The following DCC variants were observed in gnomAD, a reference collection of about 807,000 sequenced individuals.
DCC encodes the protein DCC netrin 1 receptor.
In DCC, 58 loss-of-function variants were observed where a neutral mutation model predicts 172.5. The observed-to-expected ratio is 0.34, with a 90% CI of 0.27 to 0.42. The LOEUF is 0.42. DCC is among the 10% of genes least tolerant of loss of function. The pLI is 1.00. For missense variants in DCC, 1,740 were observed against 1,791.0 expected (o/e 0.97, Z 0.51); for synonymous variants, 709 against 644.5 (o/e 1.10, Z -1.52).
chr18:53,071,463 T>C (rs975769294), intron 7 of DCC, among the ~76,000 whole-genome samples: 6 of 152,208 alleles, frequency 3.9e-5, no homozygotes, highest in Non-Finnish European at 8.8e-5. Flanking sequence ...TAATGGTACA[T>C]AAGTAACATA....
intron 27 of DCC, among the ~76,000 whole-genome samples, chr18:53,514,818 AC>A (rs2046313581): frequency 6.6e-6 from 1 of 152,054 alleles, no homozygotes; most frequent in Non-Finnish European, 1.5e-5. Context: ...TAGCTTACCA[AC>A]CAAAAAGAGT....
intron 2 of DCC, among the ~76,000 whole-genome samples, chr18:52,828,174 A>G (rs1459888582): frequency 2.6e-5 from 4 of 152,140 alleles, no homozygotes; most frequent in African/African-American, 2.4e-5. Context: ...ATACTACGGG[A>G]TGCAACTCCA....
At chr18:52,950,459 A>G (rs1440248826) in intron 5 of DCC, among the ~76,000 whole-genome samples, 2 of 152,234 alleles carry the variant, frequency 1.3e-5, no homozygotes, top group Non-Finnish European at 2.9e-5. Flanking sequence ...TGATAGCAGA[A>G]GGCTCTAAAC....
chr18:53,124,402 G>T (rs1049095051), intron 7 of DCC, among the ~76,000 whole-genome samples: 2 of 151,976 alleles, frequency 1.3e-5, no homozygotes, highest in African/African-American at 4.8e-5. Flanking sequence ...CAAGTTCATA[G>T]TCAGCAATTT....
At chr18:52,768,198 A>G (rs1413006010) in intron 2 of DCC, among the ~76,000 whole-genome samples, 2 of 152,244 alleles carry the variant, frequency 1.3e-5, no homozygotes, top group South Asian at 4.1e-4. Context: ...CTCAGCATTA[A>G]GAATTCACTC....
chr18:53,466,032 G>T (rs376299335), intron 24 of DCC, among the ~76,000 whole-genome samples: 80 of 152,266 alleles, frequency 5.3e-4, no homozygotes, highest in African/African-American at 1.9e-3. Context: ...CCAAAGTGCT[G>T]GGATTACAGG....
chr18:52,446,080 C>T (rs567204182), intron 1 of DCC, among the ~76,000 whole-genome samples: 1 of 152,238 alleles, frequency 6.6e-6, no homozygotes, highest in South Asian at 2.1e-4. Context: ...CTACAGGCGC[C>T]CGCCACCGCA....
intron 15 of DCC, among the ~76,000 whole-genome samples, chr18:53,385,704 G>T (rs1474751478): frequency 6.6e-6 from 1 of 152,192 alleles, no homozygotes; most frequent in Non-Finnish European, 1.5e-5. Flanking sequence ...CACAGATGCA[G>T]ACAACAAACA....
At chr18:52,817,398 G>T (rs1012195024) in intron 2 of DCC, among the ~76,000 whole-genome samples, 2 of 152,016 alleles carry the variant, frequency 1.3e-5, no homozygotes, top group Non-Finnish European at 2.9e-5. Flanking sequence ...TTTAATGCCA[G>T]TCCTTCAGTA....
intron 18 of DCC, among the ~76,000 whole-genome samples, chr18:53,402,389 C>CA (rs201731473): frequency 0.011 from 1,515 of 133,218 alleles, 9 homozygotes; most frequent in East Asian, 0.068. Flanking sequence ...GACCCTGTCT[C>CA]AAAAAAAAAA....
At chr18:52,446,890 G>GGCATAAT (rs1467847586) in intron 1 of DCC, among the ~76,000 whole-genome samples, 1 of 152,080 alleles carries the variant, frequency 6.6e-6, no homozygotes, top group African/African-American at 2.4e-5. Context: ...TATTACATTC[G>GGCATAAT]GCATAATGCC....
intron 7 of DCC, among the ~76,000 whole-genome samples, chr18:53,066,787 G>A (rs2042576918): frequency 6.6e-6 from 1 of 152,042 alleles, no homozygotes; most frequent in South Asian, 2.1e-4. Context: ...AAGAAAAGAG[G>A]TTTAATTGGC....
At chr18:53,028,255 G>T (rs577939707) in intron 5 of DCC, among the ~76,000 whole-genome samples, 20 of 152,022 alleles carry the variant, frequency 1.3e-4, no homozygotes, top group Admixed American at 1.2e-3. Context: ...CACTCTTTTC[G>T]TTTTGTTTTG....
intron 13 of DCC, among the ~76,000 whole-genome samples, chr18:53,317,516 C>T (rs1043213159): frequency 6.6e-6 from 1 of 151,920 alleles, no homozygotes; most frequent in Non-Finnish European, 1.5e-5. Flanking sequence ...GAGAGGAGTC[C>T]CTCTTTTTCT....
intron 15 of DCC, among the ~76,000 whole-genome samples, chr18:53,374,780 C>T (rs1250424634): frequency 6.6e-6 from 1 of 152,098 alleles, no homozygotes; most frequent in African/African-American, 2.4e-5. Context: ...GTCACCATGA[C>T]ATATATTAAC....
intron 2 of DCC, among the ~76,000 whole-genome samples, chr18:52,803,346 T>C: frequency 6.6e-6 from 1 of 152,194 alleles, no homozygotes; most frequent in East Asian, 1.9e-4. Context: ...TCACAACACT[T>C]GAACTCACTG....
At chr18:52,799,527 T>C (rs559443584) in intron 2 of DCC, among the ~76,000 whole-genome samples, 1 of 152,336 alleles carries the variant, frequency 6.6e-6, no homozygotes, top group South Asian at 2.1e-4. Flanking sequence ...GTCAGTCTCA[T>C]ATCAAGTCAC....
At chr18:52,996,777 T>A (rs975115348) in intron 5 of DCC, among the ~76,000 whole-genome samples, 1 of 139,856 alleles carries the variant, frequency 7.2e-6, no homozygotes, top group Non-Finnish European at 1.6e-5. Context: ...TTTTTCTTTT[T>A]TTTTTTTTTT....
At chr18:52,948,995 T>C (rs2040593594) in intron 5 of DCC, among the ~76,000 whole-genome samples, 1 of 152,228 alleles carries the variant, frequency 6.6e-6, no homozygotes, top group Non-Finnish European at 1.5e-5. Context: ...AGTCATGCCA[T>C]GCTTCCTCTG....
Sources: gnomAD v4.1 joint callset for allele counts (sites outside exome capture counted in the v4.1 genomes callset) on GRCh38, gnomAD v4.1.1 for gene constraint, MANE v1.5 for transcripts, NCBI Gene and HGNC (gene_info 2026-07-23, HGNC 2026-07-21) for gene names.